The following EIF2AK1 variants were observed in gnomAD, a reference collection of about 807,000 sequenced individuals.
EIF2AK1 encodes the protein eukaryotic translation initiation factor 2 alpha kinase 1, also known as eukaryotic translation initiation factor 2-alpha kinase 1.
In EIF2AK1, 54 loss-of-function variants were observed where a neutral mutation model predicts 77.9. The observed-to-expected ratio is 0.69, with a 90% confidence interval of 0.56 to 0.87. EIF2AK1 has a LOEUF of 0.87. Ranked by LOEUF, EIF2AK1 falls within the 40% of genes least tolerant of loss-of-function variation. EIF2AK1 has a pLI of 0.00. For missense variants in EIF2AK1, 810 were observed against 768.6 expected (o/e 1.05, Z -0.64); for synonymous variants, 314 against 290.5 (o/e 1.08, Z -0.82).
chr7:6,024,112 A>G lies in EIF2AK1; in HGVS notation c.*561T>C, dbSNP rs1414964439. On this transcript the variant is annotated 3_prime_UTR_variant, in exon 15 of 15. Coordinates refer to ENST00000199389, the MANE Select transcript of EIF2AK1 (RefSeq NM_014413.4). ...AAGGGTGTGGTTTTGGAATGACGCT[A>G]AACTGAAGGTGGAGAGAACAGATAA... is the stretch of plus-strand genomic sequence containing the variant. 2.6e-5 allele frequency: 34 copies of G among 1,297,142 alleles called. No homozygotes were observed. Among genetic ancestry groups the G allele is most frequent in the Non-Finnish European group, 3.3e-5 (33 of 994,484 alleles). 80.4% of individuals were successfully genotyped at this position (1,297,142 alleles called of 1,614,324 possible). A position where few individuals can be genotyped will look rare whatever the true frequency, so the allele number is the denominator to read the frequency against.
At chr7:6,041,581 C>T (rs1788299051) in intron 8 of EIF2AK1, among the ~76,000 whole-genome samples, 2 of 151,850 alleles carry the variant, frequency 1.3e-5, no homozygotes, top group Non-Finnish European at 2.9e-5. Context: ...GTGGCTCATG[C>T]CTGTAATCCC....
chr7:6,036,273 A>G lies in EIF2AK1; in HGVS notation c.1332+1151T>C, dbSNP rs1583484009. 2 of 1,549,840 alleles carry G rather than the reference A, an allele frequency of 1.3e-6. No individual in the cohort carries two copies. Among genetic ancestry groups the G allele is most frequent in the African/African-American group, 1.4e-5 (1 of 72,998 alleles). On this transcript the variant is annotated intron_variant, in intron 11 of 14. Transcript: ENST00000199389. The surrounding 1 kb of genome is among the most constrained non-coding windows in gnomAD (Gnocchi z 4.6). ...TTTATCCCTACAGGGTATCTGCAAA[A>G]GAAACATCAGGAATATTTATGGTGA...
Position 6,038,426 on chromosome 7 carries a change from A to T in EIF2AK1, c.1231+134T>A. 1.2e-5 allele frequency: 7 copies of T among 596,766 alleles called. No individual in the cohort carries two copies. The South Asian group carries it at 1.8e-4, about 15-fold the overall frequency. 37.0% of individuals were successfully genotyped at this position (596,766 alleles called of 1,614,324 possible). On this transcript the variant is annotated intron_variant, in intron 10 of 14. Coordinates refer to ENST00000199389, the MANE Select transcript of EIF2AK1 (RefSeq NM_014413.4). ...CTCCTGCCTGAGCAACAAACAGAGC[A>T]AAGCTCTGTCTCAAAAAAATAAAAT...
intron 2 of EIF2AK1, among the ~76,000 whole-genome samples, chr7:6,053,241 T>C (rs951221361): frequency 6.6e-6 from 1 of 152,156 alleles, no homozygotes; most frequent in African/African-American, 2.4e-5. Flanking sequence ...TTTATGGGGG[T>C]ACATGAGATA....
intron 7 of EIF2AK1, 93 bp downstream of exon 7, chr7:6,044,469 T>C: frequency 1.0e-6 from 1 of 968,302 alleles, no homozygotes; most frequent in Non-Finnish European, 1.6e-6. Flanking sequence ...ATTCTCAGCT[T>C]GTGGTATGTA....
chr7:6,046,916 A>G, intron 5 of EIF2AK1, 76 bp downstream of exon 5: 1 of 1,321,760 alleles, frequency 7.6e-7, no homozygotes, highest in Non-Finnish European at 1.0e-6. Flanking sequence ...ATAAATAAAT[A>G]AAAGAATAAT....
rs182474233 is a variant in EIF2AK1, at chr7:6,028,705, T to A, written c.1448-8A>T. The A allele has an allele frequency of 8.8e-4, 1,426 of 1,613,844 alleles. 3 individuals carry two copies. The highest frequency in any genetic ancestry group is 1.1e-3 in the Non-Finnish European group (1,307 of 1,179,698). ...ACGTATGTGTTGGTGTTCCTATCATTTCAAAAGCCACATATTAAACATTGC... is the reference window on the plus strand; with the variant it reads ...ACGTATGTGTTGGTGTTCCTATCATATCAAAAGCCACATATTAAACATTGC... On this transcript the variant is annotated splice_polypyrimidine_tract_variant and splice_region_variant and intron_variant, in intron 12 of 14. Transcript: ENST00000199389.
intron 2 of EIF2AK1, among the ~76,000 whole-genome samples, chr7:6,050,804 T>C (rs953773048): frequency 2.0e-5 from 3 of 151,592 alleles, no homozygotes; most frequent in African/African-American, 4.9e-5. Flanking sequence ...GGGGTTTCAC[T>C]GTGTTAGCCA....
At position 6,054,244 on chromosome 7, in the gene EIF2AK1, A is replaced by T. The variant is rs184620619; in HGVS notation, c.277+302T>A. On this transcript the variant is annotated intron_variant, in intron 2 of 14. Transcript: ENST00000199389. Reference sequence around the variant, plus strand: ...ATTTTTGAGACAGTCTCACTCTTTCACCCAGGCTGGAGTGCAGTGGCGCTA... The same window carrying T: ...ATTTTTGAGACAGTCTCACTCTTTCTCCCAGGCTGGAGTGCAGTGGCGCTA... Among the ~76,000 whole-genome samples, 3 of 150,966 alleles carry T rather than the reference A, an allele frequency of 2.0e-5. No homozygotes were observed. In the East Asian group the frequency reaches 6.0e-4, roughly 30 times the overall value.
chr7:6,058,451 C>T (rs964304389), intron 1 of EIF2AK1, among the ~76,000 whole-genome samples: 4 of 152,078 alleles, frequency 2.6e-5, no homozygotes, highest in Non-Finnish European at 5.9e-5. Flanking sequence ...AAACCAAAGA[C>T]GTTTATTTAT....
At position 6,027,672 on chromosome 7, in the gene EIF2AK1, A is replaced by G. The variant is rs957182920; in HGVS notation, c.1531-711T>C. 6.6e-6 allele frequency among the ~76,000 whole-genome samples: 1 copy of G among 151,726 alleles called. No individual in the cohort carries two copies. Among genetic ancestry groups the G allele is most frequent in the Non-Finnish European group, 1.5e-5 (1 of 67,910 alleles). Reference sequence around the variant, plus strand: ...CTTCCCCTTGGTGTTTATTTACCAAAGCTTGAAAAAAACCAATGAGAAGAA... The same window carrying G: ...CTTCCCCTTGGTGTTTATTTACCAAGGCTTGAAAAAAACCAATGAGAAGAA... On this transcript the variant is annotated intron_variant, in intron 13 of 14. Transcript: ENST00000199389. This position sits in a 1 kb window ranked among gnomAD's most constrained non-coding sequence, Gnocchi z 4.5.
intron 11 of EIF2AK1, chr7:6,031,715 C>A: frequency 1.1e-6 from 1 of 900,628 alleles, no homozygotes; most frequent in Non-Finnish European, 1.7e-6. Context: ...GACTCCAGCT[C>A]ACTCCACACA....
In EIF2AK1 at chr7:6,022,916, C is replaced by G; in HGVS notation, c.*1757G>C. 1 of 195,290 alleles carries G rather than the reference C, an allele frequency of 5.1e-6. No individual in the cohort carries two copies. The highest frequency in any genetic ancestry group is 1.1e-5 in the Non-Finnish European group (1 of 95,136). The allele number at this position is 195,290 out of a possible 1,614,324, so 12.1% of individuals were successfully genotyped here. A position where few individuals can be genotyped will look rare whatever the true frequency, so the allele number is the denominator to read the frequency against. On this transcript the variant is annotated 3_prime_UTR_variant, in exon 15 of 15. Coordinates refer to ENST00000199389, the MANE Select transcript of EIF2AK1 (RefSeq NM_014413.4). ...TGGAGATAAGCGAGTTCATGTCATT[C>G]ATATCTTAATTGCCCTCAGTCTCAC... is the stretch of plus-strand genomic sequence containing the variant.
At position 6,035,527 on chromosome 7, in the gene EIF2AK1, G is replaced by A. The variant is rs1788052471; in HGVS notation, c.1332+1897C>T. The stretch of plus-strand genomic sequence containing the variant: ...ACCACGTGGGCAAAACCAGGCAACA[G>A]AACGCACAGGATCCTGACAGACATT... On this transcript the variant is annotated intron_variant, in intron 11 of 14. Coordinates refer to ENST00000199389, the MANE Select transcript of EIF2AK1 (RefSeq NM_014413.4). The surrounding 1 kb of genome is among the most constrained non-coding windows in gnomAD (Gnocchi z 5.5). The A allele has an allele frequency of 1.3e-6, 2 of 1,551,196 alleles. No homozygotes were observed. The highest frequency in any genetic ancestry group is 1.4e-5 in the African/African-American group (1 of 73,168).
chr7:6,044,637 C>T lies in EIF2AK1; in HGVS notation c.655G>A (p.Ala219Thr). 1 of 1,613,910 alleles carries T rather than the reference C, an allele frequency of 6.2e-7. No homozygotes were observed. Among genetic ancestry groups the T allele is most frequent in the Non-Finnish European group, 8.5e-7 (1 of 1,179,892 alleles). ...MKVLREVKVLAGLQHPNIVGY... is the reference protein window; with the variant it reads ...MKVLREVKVLTGLQHPNIVGY... ...ACAATATTGGGGTGCTGAAGACCTG[C>T]CAGCACCTTCACTTCCCGTAGGACC... Residue 219 changes from alanine (A) to threonine (T), a missense_variant, in exon 7 of 15, where the codon GCA becomes ACA. Physicochemically the swap from Ala to Thr is moderately conservative, Grantham distance 58. This residue lies in a region of EIF2AK1 where 549 missense variants were observed against 533.7 expected (regional missense o/e 1.03). Transcript: ENST00000199389.
At position 6,023,984 on chromosome 7, in the gene EIF2AK1, G is replaced by A; in HGVS notation, c.*689C>T. ...GTACAGATTGGCTGGGGAGCTGAGTGCTACAATAAAGGAGGAAGTACCGGG... is the reference window on the plus strand; with the variant it reads ...GTACAGATTGGCTGGGGAGCTGAGTACTACAATAAAGGAGGAAGTACCGGG... On this transcript the variant is annotated 3_prime_UTR_variant, in exon 15 of 15. Transcript: ENST00000199389. 1 of 1,368,638 alleles carries A rather than the reference G, an allele frequency of 7.3e-7. No homozygotes were observed. Among genetic ancestry groups the A allele is most frequent in the African/African-American group, 1.4e-5 (1 of 69,098 alleles). 84.8% of individuals were successfully genotyped at this position (1,368,638 alleles called of 1,614,324 possible). A position where few individuals can be genotyped will look rare whatever the true frequency, so the allele number is the denominator to read the frequency against.
intron 11 of EIF2AK1, among the ~76,000 whole-genome samples, chr7:6,034,125 G>A (rs1787999273): frequency 6.6e-6 from 1 of 151,630 alleles, no homozygotes; most frequent in Non-Finnish European, 1.5e-5. Context: ...AGACCAGCCT[G>A]GTGAAACCTC....
chr7:6,028,155 T>C, intron 13 of EIF2AK1: 5 of 331,774 alleles, frequency 1.5e-5, no homozygotes, highest in South Asian at 1.2e-4. Context: ...AAAGTGAGGT[T>C]TCTTCTTAGG....
chr7:6,054,835 G>A (rs1300777933), intron 1 of EIF2AK1, 131 bp from the exon 2 acceptor site: 2 of 944,442 alleles, frequency 2.1e-6, no homozygotes, highest in East Asian at 2.7e-5. Context: ...GAATAGTTAT[G>A]CTGAGTTGGG....
Sources: allele counts gnomAD v4.1 joint callset (sites outside exome capture counted in the v4.1 genomes callset), GRCh38; gene constraint gnomAD v4.1.1; regional missense constraint gnomAD v4.1.1; non-coding constraint Gnocchi (gnomAD v3.1); transcripts MANE v1.5; gene names NCBI Gene and HGNC (gene_info 2026-07-23, HGNC 2026-07-21).